The following SLC26A7 variants were observed in gnomAD, a reference collection of about 807,000 sequenced individuals.
SLC26A7 encodes solute carrier family 26 member 7.
A neutral mutation model predicts 82.5 loss-of-function variants in SLC26A7; 59 were observed. That is an observed-to-expected ratio of 0.72 (90% CI 0.58 to 0.89). The LOEUF (loss-of-function observed/expected upper bound fraction) is 0.89. Among genes scored for constraint, SLC26A7 ranks in the 40% least tolerant of loss-of-function variants. The probability of loss-of-function intolerance (pLI) is 0.00; values close to 1 mark genes in which losing one functional copy is unlikely to be tolerated. For synonymous variants in SLC26A7, 271 were observed against 274.3 expected (o/e 0.99, Z 0.12); for missense variants, 820 against 793.0 (o/e 1.03, Z -0.41).
chr8:91,368,413 G>GTTTTTTTTTTTTTTTTTT (rs565439844), intron 14 of SLC26A7, among the ~76,000 whole-genome samples: 1 of 144,990 alleles, frequency 6.9e-6, no homozygotes, highest in Non-Finnish European at 1.5e-5. Context: ...TTCAGATGAG[G>GTTTTTTTTTTTTTTTTTT]TTTTTTTTTT....
At chr8:91,306,631 G>A (rs759179227) in intron 4 of SLC26A7, among the ~76,000 whole-genome samples, 6 of 151,942 alleles carry the variant, frequency 3.9e-5, no homozygotes, top group Non-Finnish European at 8.8e-5. Flanking sequence ...TCTTACATTA[G>A]GAAGGTATAT....
chr8:91,358,709 A>T (rs1396659610), intron 11 of SLC26A7, among the ~76,000 whole-genome samples: 1 of 152,234 alleles, frequency 6.6e-6, no homozygotes, highest in East Asian at 1.9e-4. Context: ...AGACTGGATT[A>T]AGAAAATGTG....
rs1810604639 is a variant in SLC26A7, at chr8:91,249,667, A to G, written c.16A>G (p.Arg6Gly). ...AATCTGAAAAATGACAGGAGCAAAG[A>G]GGAAAAAGAAAAGCATGCTTTGGAG... MTGAK[R>G]KKKSMLWSKM... Residue 6 changes from arginine to glycine, a missense_variant, in exon 2 of 19, where the codon AGG (arginine) becomes GGG (glycine). By Grantham distance (125) the Arg-to-Gly change is moderately radical. Transcript: ENST00000276609. 1 of 1,539,138 alleles carries G rather than the reference A, an allele frequency of 6.5e-7. No homozygotes were observed. The highest frequency in any genetic ancestry group is 1.4e-5 in the African/African-American group (1 of 70,812).
At chr8:91,273,329 G>T (rs1485027239) in intron 2 of SLC26A7, among the ~76,000 whole-genome samples, 1 of 152,110 alleles carries the variant, frequency 6.6e-6, no homozygotes, top group Non-Finnish European at 1.5e-5. Flanking sequence ...TGTGGTCATG[G>T]TATGGGATTG....
intron 4 of SLC26A7, among the ~76,000 whole-genome samples, chr8:91,312,399 T>C (rs1488117942): frequency 6.6e-6 from 1 of 152,204 alleles, no homozygotes; most frequent in Non-Finnish European, 1.5e-5. Context: ...TGAATAATGC[T>C]GCTATAAATA....
At chr8:91,288,991 G>T in intron 2 of SLC26A7, 145 bp from the exon 3 acceptor site, 1 of 548,814 alleles carries the variant, frequency 1.8e-6, no homozygotes, top group Non-Finnish European at 3.3e-6. Context: ...CTTTTATTTA[G>T]GGCAATAATG....
intron 4 of SLC26A7, among the ~76,000 whole-genome samples, chr8:91,299,414 T>A (rs995903950): frequency 1.4e-5 from 2 of 138,396 alleles, no homozygotes; most frequent in Non-Finnish European, 3.0e-5. Flanking sequence ...TAGACTTCCA[T>A]GATTTATTTT....
chr8:91,246,035 G>A (rs1317200577), upstream of SLC26A7, among the ~76,000 whole-genome samples: 1 of 152,140 alleles, frequency 6.6e-6, no homozygotes, highest in Admixed American at 6.5e-5. Context: ...ACTTTCCATA[G>A]ATTGTGAGAG....
chr8:91,394,660 A>G, intron 18 of SLC26A7: 1 of 1,117,804 alleles, frequency 8.9e-7, no homozygotes, highest in Non-Finnish European at 1.1e-6. Context: ...TACAATCAGA[A>G]CAGTATGTAT....
chr8:91,236,040 A>T (rs1315525905), intron 2 of SLC26A7, among the ~76,000 whole-genome samples: 1 of 152,164 alleles, frequency 6.6e-6, no homozygotes, highest in Admixed American at 6.5e-5. Flanking sequence ...TCTCTTCGAA[A>T]AGCCCTCAAG....
intron 2 of SLC26A7, among the ~76,000 whole-genome samples, chr8:91,269,425 C>T (rs188987039): frequency 5.9e-5 from 9 of 152,030 alleles, no homozygotes; most frequent in Non-Finnish European, 1.2e-4. Flanking sequence ...TGTTGTTTTC[C>T]CTTAGCACTT....
intron 4 of SLC26A7, among the ~76,000 whole-genome samples, chr8:91,311,311 G>T (rs1812479659): frequency 6.6e-6 from 1 of 152,074 alleles, no homozygotes. Flanking sequence ...GTAAAAGGCA[G>T]AACTTATAAA....
chr8:91,377,146 A>AGTG (rs1814540100), intron 15 of SLC26A7, among the ~76,000 whole-genome samples: 3 of 152,194 alleles, frequency 2.0e-5, no homozygotes, highest in Middle Eastern at 3.4e-3. Flanking sequence ...CACTTTCAAT[A>AGTG]GTGGTGGAGC....
chr8:91,272,310 C>A (rs989581604), intron 2 of SLC26A7, among the ~76,000 whole-genome samples: 4 of 152,140 alleles, frequency 2.6e-5, no homozygotes, highest in Admixed American at 2.6e-4. Context: ...GCTTGATATA[C>A]AATAGTTTAC....
chr8:91,244,611 C>T (rs1036265452), upstream of SLC26A7, among the ~76,000 whole-genome samples: 1 of 151,806 alleles, frequency 6.6e-6, no homozygotes, highest in South Asian at 2.1e-4. Flanking sequence ...TCAAGTGATC[C>T]TCCTGCCTCA....
chr8:91,315,094 A>T (rs972474712), intron 4 of SLC26A7, among the ~76,000 whole-genome samples: 5 of 152,172 alleles, frequency 3.3e-5, no homozygotes, highest in Non-Finnish European at 5.9e-5. Flanking sequence ...AATTTAGGAA[A>T]CAAGTGGAAA....
Position 91,397,800 on chromosome 8 carries a change from C to G in SLC26A7, c.*2703C>G, listed in dbSNP as rs1427551728. On this transcript the variant is annotated 3_prime_UTR_variant, in exon 19 of 19. Transcript: ENST00000276609. ...TAATGAAAACATTAATGTGTTAATA[C>G]CCTGTATGGATAATGCTTGACATTT... 6.6e-6 allele frequency: 1 copy of G among 152,314 alleles called. No individual in the cohort carries two copies. Among genetic ancestry groups the G allele is most frequent in the African/African-American group, 2.4e-5 (1 of 41,374 alleles). The allele number at this position is 152,314 out of a possible 1,614,324, so 9.4% of individuals were successfully genotyped here.
At chr8:91,255,433 G>A (rs866877377) in intron 2 of SLC26A7, among the ~76,000 whole-genome samples, 1 of 152,194 alleles carries the variant, frequency 6.6e-6, no homozygotes, top group South Asian at 2.1e-4. Flanking sequence ...ACTTGTCTGG[G>A]AATGTTTCCC....
chr8:91,295,053 G>A (rs1181492775), intron 3 of SLC26A7, among the ~76,000 whole-genome samples: 2 of 152,116 alleles, frequency 1.3e-5, no homozygotes, highest in Non-Finnish European at 2.9e-5. Flanking sequence ...CAGGGAAAAA[G>A]CTGAATTTAC....
Sources: allele counts gnomAD v4.1 joint callset (sites outside exome capture counted in the v4.1 genomes callset), GRCh38; gene constraint gnomAD v4.1.1; transcripts MANE v1.5; gene names NCBI Gene and HGNC (gene_info 2026-07-23, HGNC 2026-07-21).